Variants in LRRC1 observed in about 807,000 individuals in gnomAD.
LRRC1 encodes leucine-rich repeat-containing protein 1.
In LRRC1, 28 loss-of-function variants were observed where a neutral mutation model predicts 69.9. The ratio of observed to expected loss-of-function variants is 0.40; its 90% confidence interval spans 0.30 to 0.55. The LOEUF is 0.55. LRRC1 is among the 20% of genes least tolerant of loss of function. The pLI is 0.47. For missense variants in LRRC1, 498 were observed against 609.0 expected (o/e 0.82, Z 1.92); for synonymous variants, 236 against 240.2 (o/e 0.98, Z 0.16).
At chr6:53,803,877 C>G (rs1311072668) in intron 1 of LRRC1, among the ~76,000 whole-genome samples, 1 of 152,176 alleles carries the variant, frequency 6.6e-6, no homozygotes, top group Non-Finnish European at 1.5e-5. Context: ...ACCATAGTCA[C>G]CTTTCTTTCC....
intron 1 of LRRC1, among the ~76,000 whole-genome samples, chr6:53,826,825 G>A (rs1216396150): frequency 6.6e-6 from 1 of 151,684 alleles, no homozygotes; most frequent in African/African-American, 2.4e-5. Context: ...TTTAATAGCT[G>A]AGACTTTTTT....
chr6:53,914,535 G>A (rs1036288635), intron 11 of LRRC1, among the ~76,000 whole-genome samples: 7 of 152,110 alleles, frequency 4.6e-5, no homozygotes, highest in African/African-American at 1.7e-4. Context: ...GTATCCCCAA[G>A]GTCACAGCAT....
intron 2 of LRRC1, among the ~76,000 whole-genome samples, chr6:53,851,119 T>G (rs9382246): frequency 0.2 from 30,511 of 150,676 alleles, 3,825 homozygotes; most frequent in East Asian, 0.58. Flanking sequence ...TTTATGCCAC[T>G]GATCACACTC....
intron 7 of LRRC1, among the ~76,000 whole-genome samples, chr6:53,898,073 A>G (rs897915734): frequency 2.0e-5 from 3 of 152,160 alleles, no homozygotes; most frequent in Admixed American, 6.5e-5. Context: ...CCAGTTTTTC[A>G]TGTGACCAGT....
chr6:53,858,680 G>A (rs866756569), intron 2 of LRRC1, among the ~76,000 whole-genome samples: 1 of 152,204 alleles, frequency 6.6e-6, no homozygotes, highest in Admixed American at 6.5e-5. Context: ...CAAGAGGAGA[G>A]CACCATTTTT....
chr6:53,836,388 G>A (rs1288875474), intron 1 of LRRC1, among the ~76,000 whole-genome samples: 2 of 152,188 alleles, frequency 1.3e-5, no homozygotes, highest in African/African-American at 4.8e-5. Context: ...ACCTTGAGAT[G>A]ATTAAAGAGT....
At chr6:53,917,909 AT>A (rs901955312) in intron 11 of LRRC1, among the ~76,000 whole-genome samples, 2 of 152,230 alleles carry the variant, frequency 1.3e-5, no homozygotes, top group Non-Finnish European at 2.9e-5. Context: ...ACTTCCTCGC[AT>A]TTGAGTTTAC....
chr6:53,857,233 G>A (rs1371388287), intron 2 of LRRC1, among the ~76,000 whole-genome samples: 1 of 152,160 alleles, frequency 6.6e-6, no homozygotes. Context: ...GAATTGGAAA[G>A]GCAGATGAGC....
At chr6:53,882,455 T>C (rs1035262836) in intron 3 of LRRC1, among the ~76,000 whole-genome samples, 16 of 152,360 alleles carry the variant, frequency 1.1e-4, no homozygotes, top group African/African-American at 3.8e-4. Flanking sequence ...GTAGCTGTCC[T>C]GTGTTTTATT....
intron 1 of LRRC1, among the ~76,000 whole-genome samples, chr6:53,824,990 C>A (rs1196800520): frequency 6.6e-6 from 1 of 152,136 alleles, no homozygotes. Flanking sequence ...CCATGCCACG[C>A]CAGTCTAATT....
chr6:53,854,738 T>C (rs1766255587), intron 2 of LRRC1, among the ~76,000 whole-genome samples: 1 of 152,250 alleles, frequency 6.6e-6, no homozygotes, highest in African/African-American at 2.4e-5. Flanking sequence ...TTAACATTTT[T>C]GTACATTTTA....
chr6:53,892,007 T>TACACAC (rs748031793), intron 4 of LRRC1, among the ~76,000 whole-genome samples: 6 of 67,190 alleles, frequency 8.9e-5, no homozygotes, highest in East Asian at 7.7e-4. Flanking sequence ...AAAATATATA[T>TACACAC]ATATACACAC....
At chr6:53,903,636 G>A (rs946070198) in intron 9 of LRRC1, among the ~76,000 whole-genome samples, 6 of 151,906 alleles carry the variant, frequency 3.9e-5, no homozygotes, top group South Asian at 4.2e-4. Context: ...TTCTTTAGGT[G>A]GAAAGAGCAG....
chr6:53,903,954 C>T (rs772350118), intron 9 of LRRC1, among the ~76,000 whole-genome samples: 3 of 152,208 alleles, frequency 2.0e-5, no homozygotes, highest in Non-Finnish European at 4.4e-5. Flanking sequence ...CTTTCCCTGC[C>T]CATGCGGCAC....
Position 53,882,898 on chromosome 6 carries a change from G to A in LRRC1, c.368G>A (p.Ser123Asn). 3.1e-6 allele frequency: 5 copies of A among 1,606,850 alleles called. No individual in the cohort carries two copies. The highest frequency in any genetic ancestry group is 1.1e-5 in the South Asian group (1 of 89,390). Reference protein sequence around the residue: ...SGNPLTRLPESFPELQNLTCL... With the variant: ...SGNPLTRLPENFPELQNLTCL... The stretch of plus-strand genomic sequence containing the variant: ...TTGTTTGATTTTAGGTTGCCAGAAA[G>A]CTTTCCTGAATTACAGAATTTAACA... The change falls in exon 4 of 14, where the codon AGC (serine) becomes AAC (asparagine). Residue 123 changes from serine to asparagine, a missense_variant. Physicochemically the swap from Ser to Asn is conservative, Grantham distance 46 (BLOSUM62 1). This residue lies in a region of LRRC1 where 266 missense variants were observed against 383.9 expected (regional missense o/e 0.69). Coordinates refer to ENST00000370888, the MANE Select transcript of LRRC1 (RefSeq NM_018214.5).
intron 4 of LRRC1, among the ~76,000 whole-genome samples, chr6:53,895,803 G>T (rs1273092751): frequency 6.6e-6 from 1 of 152,222 alleles, no homozygotes; most frequent in East Asian, 1.9e-4. Context: ...AGAGGCTGGA[G>T]AATCTGATGA....
At chr6:53,867,598 A>G (rs1766743942) in intron 2 of LRRC1, among the ~76,000 whole-genome samples, 1 of 152,178 alleles carries the variant, frequency 6.6e-6, no homozygotes, top group Non-Finnish European at 1.5e-5. Context: ...TTTATTCTTG[A>G]TGTATGTAGA....
chr6:53,865,578 T>A (rs181373792), intron 2 of LRRC1, among the ~76,000 whole-genome samples: 22 of 152,196 alleles, frequency 1.4e-4, no homozygotes, highest in Admixed American at 3.9e-4. Context: ...TATGCCATAT[T>A]ATTTTTTGTT....
At chr6:53,847,340 G>C (rs1765980704) in intron 2 of LRRC1, among the ~76,000 whole-genome samples, 1 of 151,978 alleles carries the variant, frequency 6.6e-6, no homozygotes, top group South Asian at 2.1e-4. Flanking sequence ...AGAATGCAGG[G>C]GCTACACCAG....
Sources: gnomAD v4.1 joint callset for allele counts (sites outside exome capture counted in the v4.1 genomes callset) on GRCh38, gnomAD v4.1.1 for gene constraint, gnomAD v4.1.1 regional missense constraint, MANE v1.5 for transcripts, NCBI Gene and HGNC (gene_info 2026-07-23, HGNC 2026-07-21) for gene names.